The following SLC35F4 variants were observed in gnomAD, a reference collection of about 807,000 sequenced individuals.
SLC35F4 encodes chromosome 14 open reading frame 36.
SLC35F4 carries 24 observed loss-of-function variants against 44.2 expected under a neutral mutation model. The observed-to-expected ratio is 0.54, with a 90% CI of 0.39 to 0.76. The LOEUF is 0.76. Among genes scored for constraint, SLC35F4 ranks in the 30% least tolerant of loss-of-function variants. The probability of loss-of-function intolerance (pLI) is 0.00; values close to 1 mark genes in which losing one functional copy is unlikely to be tolerated. For missense variants in SLC35F4, 562 were observed against 586.1 expected (o/e 0.96, Z 0.42); for synonymous variants, 238 against 223.6 (o/e 1.06, Z -0.57).
At chr14:57,677,919 G>A (rs2074755026) in intron 1 of SLC35F4, among the ~76,000 whole-genome samples, 1 of 152,060 alleles carries the variant, frequency 6.6e-6, no homozygotes, top group Non-Finnish European at 1.5e-5. Flanking sequence ...AGCATCACTA[G>A]TAATCAAACA....
intron 1 of SLC35F4, among the ~76,000 whole-genome samples, chr14:57,889,822 G>A (rs563765465): frequency 6.6e-6 from 1 of 152,234 alleles, no homozygotes; most frequent in African/African-American, 2.4e-5. Context: ...GTCTGTTATT[G>A]CTGGGTCTAT....
At chr14:57,671,271 G>A (rs1214235133) in intron 1 of SLC35F4, among the ~76,000 whole-genome samples, 4 of 151,984 alleles carry the variant, frequency 2.6e-5, no homozygotes, top group African/African-American at 9.7e-5. Flanking sequence ...GGGCAGCTAA[G>A]GGAGTGCTGG....
chr14:57,959,147 C>T (rs1042557320), intron 1 of SLC35F4, among the ~76,000 whole-genome samples: 5 of 152,146 alleles, frequency 3.3e-5, no homozygotes, highest in African/African-American at 1.2e-4. Context: ...ACTGTGTGAA[C>T]AATACTTTCA....
At chr14:57,795,818 G>T (rs2078041138) in intron 1 of SLC35F4, among the ~76,000 whole-genome samples, 1 of 151,652 alleles carries the variant, frequency 6.6e-6, no homozygotes, top group Non-Finnish European at 1.5e-5. Context: ...TTTATATTAG[G>T]TTTGGGGGTA....
At chr14:57,692,014 T>C (rs999491684) in intron 1 of SLC35F4, among the ~76,000 whole-genome samples, 2 of 152,026 alleles carry the variant, frequency 1.3e-5, no homozygotes, top group Non-Finnish European at 2.9e-5. Context: ...AACTGTAACA[T>C]GCAAAAAGGT....
intron 1 of SLC35F4, among the ~76,000 whole-genome samples, chr14:57,740,219 A>G (rs1385722246): frequency 6.6e-6 from 1 of 152,158 alleles, no homozygotes; most frequent in East Asian, 1.9e-4. Context: ...TGAAAGAATG[A>G]TATAAAAAAA....
intron 1 of SLC35F4, among the ~76,000 whole-genome samples, chr14:57,927,490 C>A (rs1352325662): frequency 6.8e-6 from 1 of 147,382 alleles, no homozygotes. Flanking sequence ...AATTACTTTT[C>A]TTCTTCTTTT....
chr14:57,583,059 A>G (rs1393370836), intron 3 of SLC35F4, among the ~76,000 whole-genome samples: 1 of 152,254 alleles, frequency 6.6e-6, no homozygotes, highest in Non-Finnish European at 1.5e-5. Flanking sequence ...GCTTCCAAAA[A>G]GGAAGGATTT....
intron 1 of SLC35F4, among the ~76,000 whole-genome samples, chr14:57,648,027 T>C (rs963829762): frequency 2.0e-5 from 3 of 152,204 alleles, no homozygotes; most frequent in Admixed American, 6.5e-5. Context: ...CTTCCTTTAT[T>C]GCTATGGTTC....
intron 1 of SLC35F4, among the ~76,000 whole-genome samples, chr14:57,964,093 T>C (rs1890389260): frequency 6.6e-6 from 1 of 152,110 alleles, no homozygotes; most frequent in African/African-American, 2.4e-5. Flanking sequence ...GCAGGCAGAC[T>C]TTGGGAAGAC....
intron 1 of SLC35F4, among the ~76,000 whole-genome samples, chr14:57,599,148 C>A (rs1050727351): frequency 2.0e-5 from 3 of 152,210 alleles, no homozygotes; most frequent in African/African-American, 7.2e-5. Context: ...GCAAATTATG[C>A]TTAACCATAA....
intron 1 of SLC35F4, among the ~76,000 whole-genome samples, chr14:57,925,886 T>C (rs1356329069): frequency 6.6e-6 from 1 of 152,214 alleles, no homozygotes; most frequent in African/African-American, 2.4e-5. Flanking sequence ...TCTCAGCCTC[T>C]ATCATGTGCC....
chr14:57,951,230 C>T lies in SLC35F4; in HGVS notation n.282+30683G>A, dbSNP rs146128932. 5.7e-3 allele frequency among the ~76,000 whole-genome samples: 864 copies of T among 152,244 alleles called. 10 individuals carry two copies. Among genetic ancestry groups the T allele is most frequent in the South Asian group, 0.025 (119 of 4,822 alleles). The stretch of plus-strand genomic sequence containing the variant: ...CCAAGGGAAGCCATGAGGGACTGTG[C>T]TGTGAGGAATGGTTCATTACAGCCC... On this transcript the variant is annotated intron_variant and non_coding_transcript_variant, in intron 1 of 1. Coordinates refer to the SLC35F4 transcript ENST00000556568.
At chr14:57,680,325 C>T (rs892168364) in intron 1 of SLC35F4, among the ~76,000 whole-genome samples, 2 of 152,040 alleles carry the variant, frequency 1.3e-5, no homozygotes, top group Non-Finnish European at 2.9e-5. Context: ...ATTCAACAGC[C>T]CTTCATGCTA....
chr14:57,854,560 C>G (rs1595221512), intron 1 of SLC35F4, among the ~76,000 whole-genome samples: 4 of 152,286 alleles, frequency 2.6e-5, no homozygotes, highest in African/African-American at 9.6e-5. Flanking sequence ...TTTGCCCTCA[C>G]TATCCCATCT....
intron 1 of SLC35F4, among the ~76,000 whole-genome samples, chr14:57,701,454 AAC>A (rs1450403534): frequency 1.3e-5 from 2 of 152,224 alleles, no homozygotes; most frequent in African/African-American, 2.4e-5. Context: ...ATAAACTGTT[AAC>A]ACAGTCATTT....
chr14:57,683,879 A>T (rs1217146819), intron 1 of SLC35F4, among the ~76,000 whole-genome samples: 1 of 151,884 alleles, frequency 6.6e-6, no homozygotes. Flanking sequence ...TTGGGGTGGG[A>T]GCTGAACAGA....
intron 1 of SLC35F4, among the ~76,000 whole-genome samples, chr14:57,654,152 A>T (rs1314938192): frequency 3.3e-5 from 5 of 152,114 alleles, no homozygotes; most frequent in Non-Finnish European, 7.4e-5. Context: ...CAAGTATTTC[A>T]TTTCAATAGT....
intron 1 of SLC35F4, among the ~76,000 whole-genome samples, chr14:57,901,981 A>T (rs1190523114): frequency 6.6e-6 from 1 of 152,194 alleles, no homozygotes; most frequent in East Asian, 1.9e-4. Flanking sequence ...TGTGAGTTTA[A>T]TACTGTGGAT....
Sources: gnomAD v4.1 joint callset for allele counts (sites outside exome capture counted in the v4.1 genomes callset) on GRCh38, gnomAD v4.1.1 for gene constraint, MANE v1.5 for transcripts, NCBI Gene and HGNC (gene_info 2026-07-23, HGNC 2026-07-21) for gene names.